The following WWOX variants were observed in gnomAD, a reference collection of about 807,000 sequenced individuals.
WWOX encodes the protein WW domain-containing oxidoreductase.
A neutral mutation model predicts 46.2 loss-of-function variants in WWOX; 69 were observed. The ratio of observed to expected loss-of-function variants is 1.49; its 90% CI spans 1.23 to 1.82. The LOEUF is 1.82. WWOX is among the 40% of genes most tolerant of loss of function. The pLI, the probability that WWOX is intolerant of heterozygous loss-of-function variation, is 0.00. For synonymous variants in WWOX, 359 were observed against 202.6 expected (o/e 1.77, Z -6.56); for missense variants, 919 against 542.6 (o/e 1.69, Z -6.89).
At chr16:78,674,225 A>T (rs1250935179) in intron 8 of WWOX, among the ~76,000 whole-genome samples, 1 of 151,836 alleles carries the variant, frequency 6.6e-6, no homozygotes, top group African/African-American at 2.4e-5. Flanking sequence ...CATAGGGTGC[A>T]TAAGAGAGAT....
chr16:78,405,330 T>A (rs1005470924), intron 6 of WWOX, among the ~76,000 whole-genome samples: 5 of 151,892 alleles, frequency 3.3e-5, no homozygotes, highest in African/African-American at 1.2e-4. Flanking sequence ...TAAAAAAAAA[T>A]TAATTAAATG....
chr16:78,966,045 A>G (rs2046357712), intron 8 of WWOX, among the ~76,000 whole-genome samples: 1 of 152,198 alleles, frequency 6.6e-6, no homozygotes, highest in Non-Finnish European at 1.5e-5. Context: ...GTGCCTCATC[A>G]ATTTTGGATA....
intron 8 of WWOX, among the ~76,000 whole-genome samples, chr16:78,944,810 T>C (rs1395759462): frequency 6.6e-6 from 1 of 152,184 alleles, no homozygotes; most frequent in Non-Finnish European, 1.5e-5. Flanking sequence ...GAGAGGTTCC[T>C]TGACATTCCC....
chr16:79,083,577 G>T (rs541483614), intron 8 of WWOX, among the ~76,000 whole-genome samples: 1 of 152,122 alleles, frequency 6.6e-6, no homozygotes, highest in Admixed American at 6.6e-5. Context: ...GCTTATGCAC[G>T]CGTATGGCTG....
chr16:78,970,625 C>G (rs1286585316), intron 8 of WWOX, among the ~76,000 whole-genome samples: 1 of 152,136 alleles, frequency 6.6e-6, no homozygotes, highest in Non-Finnish European at 1.5e-5. Flanking sequence ...AGAGAGCTAA[C>G]AAAGATTATA....
chr16:78,233,624 T>A (rs1031840599), intron 5 of WWOX, among the ~76,000 whole-genome samples: 2 of 151,110 alleles, frequency 1.3e-5, no homozygotes, highest in African/African-American at 2.4e-5. Flanking sequence ...CCTCCCGGGT[T>A]CATGCCATTC....
chr16:78,665,185 G>A (rs569834978), intron 8 of WWOX, among the ~76,000 whole-genome samples: 1 of 152,062 alleles, frequency 6.6e-6, no homozygotes, highest in Non-Finnish European at 1.5e-5. Flanking sequence ...CTGTGATGAC[G>A]GGCAACAGAT....
chr16:78,327,317 T>A (rs868684634), intron 5 of WWOX, among the ~76,000 whole-genome samples: 1 of 152,130 alleles, frequency 6.6e-6, no homozygotes, highest in South Asian at 2.1e-4. Context: ...AAAGTTGGGA[T>A]GGGGGTGTGA....
intron 8 of WWOX, among the ~76,000 whole-genome samples, chr16:78,749,654 TA>T (rs2049430677): frequency 2.0e-5 from 3 of 152,190 alleles, no homozygotes; most frequent in African/African-American, 7.2e-5. Flanking sequence ...TTTTCTGGTC[TA>T]GCTAAGGAGG....
intron 8 of WWOX, among the ~76,000 whole-genome samples, chr16:78,964,076 G>A (rs554940955): frequency 8.5e-5 from 13 of 152,164 alleles, no homozygotes; most frequent in African/African-American, 2.4e-4. Flanking sequence ...TTTTCTTCCC[G>A]GTCTCAGGTT....
At chr16:78,774,879 G>T (rs757172208) in intron 8 of WWOX, among the ~76,000 whole-genome samples, 3 of 152,144 alleles carry the variant, frequency 2.0e-5, no homozygotes, top group Non-Finnish European at 2.9e-5. Context: ...GATGTTTACC[G>T]CAGAGCACTA....
chr16:78,709,317 G>C (rs142872828), intron 8 of WWOX, among the ~76,000 whole-genome samples: 24 of 152,286 alleles, frequency 1.6e-4, no homozygotes, highest in Middle Eastern at 3.4e-3. Flanking sequence ...TTTAACTTAC[G>C]TAGTGATCAC....
rs777579075 is a variant in WWOX at position 78,424,914 on chromosome 16, C to T, written c.650C>T (p.Pro217Leu). The change falls in exon 7 of 9, where the codon CCC (proline) becomes CTC (leucine). Residue 217 changes from proline (P) to leucine (L), a missense_variant. Coordinates refer to ENST00000566780, the MANE Select transcript of WWOX (RefSeq NM_016373.4). ...LVCNAATFAL[P>L]WSLTKDGLET... is the part of the protein sequence containing the mutation. ...TGCAACGCAGCAACTTTTGCTCTAC[C>T]CTGGAGTCTCACCAAAGATGGCCTG... The T allele has an allele frequency of 5.0e-6, 8 of 1,613,934 alleles. No individual in the cohort carries two copies. The East Asian group carries it at 8.9e-5, about 18-fold the overall frequency.
At chr16:79,018,891 A>G (rs1325597779) in intron 8 of WWOX, among the ~76,000 whole-genome samples, 1 of 152,058 alleles carries the variant, frequency 6.6e-6, no homozygotes, top group South Asian at 2.1e-4. Context: ...TGGCTCACCC[A>G]TGTAATCCCA....
chr16:78,331,742 T>C (rs1383375648), intron 5 of WWOX, among the ~76,000 whole-genome samples: 2 of 152,230 alleles, frequency 1.3e-5, no homozygotes, highest in African/African-American at 4.8e-5. Context: ...TGTGTAGACA[T>C]TGGTTTGTCC....
chr16:78,128,944 G>A (rs754153645), intron 4 of WWOX, among the ~76,000 whole-genome samples: 1 of 152,148 alleles, frequency 6.6e-6, no homozygotes, highest in African/African-American at 2.4e-5. Context: ...TTATCTATTA[G>A]CAAAGGAAGT....
chr16:78,637,810 C>T (rs1004546134), intron 8 of WWOX, among the ~76,000 whole-genome samples: 1 of 152,134 alleles, frequency 6.6e-6, no homozygotes, highest in Non-Finnish European at 1.5e-5. Flanking sequence ...TAACATTGTC[C>T]CAGGCCAGGG....
At chr16:78,615,020 C>G (rs1020266437) in intron 8 of WWOX, among the ~76,000 whole-genome samples, 1 of 152,080 alleles carries the variant, frequency 6.6e-6, no homozygotes, top group Non-Finnish European at 1.5e-5. Flanking sequence ...CCTAATCTTG[C>G]TAGAAGGTAG....
intron 8 of WWOX, among the ~76,000 whole-genome samples, chr16:78,625,348 A>G (rs775421083): frequency 6.6e-5 from 10 of 152,140 alleles, no homozygotes; most frequent in Non-Finnish European, 1.2e-4. Flanking sequence ...AGCGTGTTCC[A>G]TTTGAGGGTA....
Sources: allele counts gnomAD v4.1 joint callset (sites outside exome capture counted in the v4.1 genomes callset), GRCh38; gene constraint gnomAD v4.1.1; transcripts MANE v1.5; gene names NCBI Gene and HGNC (gene_info 2026-07-23, HGNC 2026-07-21).